SSH2: variants seen among roughly 807,000 people sequenced by gnomAD.
SSH2 encodes the protein slingshot protein phosphatase 2.
In SSH2, 37 loss-of-function variants were observed where a neutral mutation model predicts 135.2. The ratio of observed to expected loss-of-function variants is 0.27; its 90% CI spans 0.21 to 0.36. The LOEUF is 0.36. Among genes scored for constraint, SSH2 ranks in the 10% least tolerant of loss-of-function variants. The pLI is 1.00. For synonymous variants in SSH2, 628 were observed against 646.2 expected (o/e 0.97, Z 0.43); for missense variants, 1,408 against 1,765.3 (o/e 0.80, Z 3.63).
At chr17:29,740,366 G>C (rs1016297837) in intron 3 of SSH2, among the ~76,000 whole-genome samples, 3 of 152,102 alleles carry the variant, frequency 2.0e-5, no homozygotes, top group Non-Finnish European at 4.4e-5. Flanking sequence ...AAGAGAGGCA[G>C]GCAACCAACA....
intron 3 of SSH2, among the ~76,000 whole-genome samples, chr17:29,724,755 A>C (rs1036862250): frequency 6.7e-6 from 1 of 150,194 alleles, no homozygotes; most frequent in Non-Finnish European, 1.5e-5. Flanking sequence ...ATGCCCAGCT[A>C]ATTTTTGGTA....
intron 11 of SSH2, among the ~76,000 whole-genome samples, chr17:29,663,627 T>C (rs1381481845): frequency 6.6e-6 from 1 of 152,246 alleles, no homozygotes; most frequent in Non-Finnish European, 1.5e-5. Context: ...TACAGAATTA[T>C]ACCTGAAGCT....
At chr17:29,667,085 T>G (rs777586317) in intron 10 of SSH2, 45 bp downstream of exon 10, 3 of 1,604,678 alleles carry the variant, frequency 1.9e-6, no homozygotes, top group Non-Finnish European at 1.7e-6. Flanking sequence ...CCTACTGTTA[T>G]CCCACTGCTA....
At position 29,756,761 on chromosome 17, in the gene SSH2, TCTC is replaced by T. The variant is rs756483852; in HGVS notation, c.188+37130_188+37132del. Reference sequence around the variant, plus strand: ...CCTCTGCCTCCCGGGTTCAAGCAATTCTCCTACCTCAGCCTCCGGAGTAGCTGG... The same window carrying T: ...CCTCTGCCTCCCGGGTTCAAGCAATTCTACCTCAGCCTCCGGAGTAGCTGG... On this transcript the variant is annotated intron_variant, in intron 3 of 15. Transcript: ENST00000540801. Among the ~76,000 whole-genome samples, 29 of 152,078 alleles carry T rather than the reference TCTC, an allele frequency of 1.9e-4. No individual in the cohort carries two copies. The East Asian group carries it at 5.6e-3, about 29-fold the overall frequency.
intron 8 of SSH2, chr17:29,674,096 T>C (rs1236998826): frequency 1.3e-5 from 6 of 456,614 alleles, no homozygotes; most frequent in Admixed American, 9.4e-5. Context: ...CCAGAAAGGC[T>C]GCTCCAGTTC....
At chr17:29,723,932 C>A (rs2039902830) in intron 3 of SSH2, among the ~76,000 whole-genome samples, 1 of 152,112 alleles carries the variant, frequency 6.6e-6, no homozygotes, top group Admixed American at 6.6e-5. Context: ...GGGATACTCC[C>A]ATACATCTAC....
intron 9 of SSH2, among the ~76,000 whole-genome samples, chr17:29,671,483 TA>T (rs939589421): frequency 1.4e-4 from 21 of 148,594 alleles, no homozygotes; most frequent in Non-Finnish European, 1.8e-4. Flanking sequence ...TCCTGTCTCT[TA>T]AAAAAAAAAA....
intron 14 of SSH2, among the ~76,000 whole-genome samples, chr17:29,643,534 G>C (rs901347809): frequency 6.6e-6 from 1 of 151,660 alleles, no homozygotes; most frequent in African/African-American, 2.4e-5. Context: ...TTAGCCTCCT[G>C]ATTAGCTGGG....
intron 2 of SSH2, among the ~76,000 whole-genome samples, chr17:29,843,399 A>T (rs2043077107): frequency 6.6e-6 from 1 of 151,884 alleles, no homozygotes; most frequent in South Asian, 2.1e-4. Context: ...TGTTAAAAAT[A>T]AAAAAAATTA....
chr17:29,653,657 G>A (rs113004976), intron 12 of SSH2, among the ~76,000 whole-genome samples: 3,568 of 152,012 alleles, frequency 0.023, 122 homozygotes, highest in African/African-American at 0.082. Flanking sequence ...CATGATCTCA[G>A]CTCACTGCAA....
At chr17:29,715,784 A>T (rs2039602508) in intron 3 of SSH2, among the ~76,000 whole-genome samples, 1 of 152,230 alleles carries the variant, frequency 6.6e-6, no homozygotes, top group Non-Finnish European at 1.5e-5. Context: ...AGGAGATAAG[A>T]AACCATGTCT....
intron 14 of SSH2, among the ~76,000 whole-genome samples, chr17:29,642,145 G>A (rs1369844193): frequency 6.6e-6 from 1 of 152,036 alleles, no homozygotes; most frequent in Non-Finnish European, 1.5e-5. Flanking sequence ...AATCTCCATT[G>A]CTCTTGGCTG....
chr17:29,923,729 G>A (rs1361338364), intron 1 of SSH2, among the ~76,000 whole-genome samples: 3 of 152,018 alleles, frequency 2.0e-5, no homozygotes, highest in African/African-American at 4.8e-5. Context: ...AGCCGGGTGC[G>A]GTGGCTCACA....
chr17:29,842,033 C>A (rs138288085), intron 2 of SSH2, among the ~76,000 whole-genome samples: 14 of 151,504 alleles, frequency 9.2e-5, no homozygotes, highest in African/African-American at 3.4e-4. Context: ...TGTCCCCAGC[C>A]CAAACCAGTG....
chr17:29,807,975 T>G (rs1445150334), intron 2 of SSH2, among the ~76,000 whole-genome samples: 1 of 152,012 alleles, frequency 6.6e-6, no homozygotes, highest in Non-Finnish European at 1.5e-5. Flanking sequence ...AAGCTTACAC[T>G]GTGGTTGAAC....
intron 3 of SSH2, among the ~76,000 whole-genome samples, chr17:29,765,780 G>C (rs1479231143): frequency 1.3e-5 from 2 of 152,000 alleles, no homozygotes; most frequent in African/African-American, 4.8e-5. Context: ...AGCATTTTGG[G>C]AGGCCGAGGC....
intron 3 of SSH2, among the ~76,000 whole-genome samples, chr17:29,764,067 G>A (rs1464438250): frequency 2.0e-5 from 3 of 151,464 alleles, no homozygotes; most frequent in African/African-American, 7.3e-5. Context: ...CTCGTGCCTC[G>A]GCTTCCTGAG....
chr17:29,755,694 C>T (rs1184811819), intron 3 of SSH2, among the ~76,000 whole-genome samples: 2 of 149,548 alleles, frequency 1.3e-5, no homozygotes, highest in Non-Finnish European at 3.0e-5. Context: ...TGGAGTCTCG[C>T]TCTTTCGCCC....
At chr17:29,859,523 C>G (rs563050746) in intron 1 of SSH2, among the ~76,000 whole-genome samples, 4 of 152,222 alleles carry the variant, frequency 2.6e-5, no homozygotes, top group African/African-American at 9.6e-5. Flanking sequence ...ATTTAGCTCC[C>G]ACTTATAAGA....
Sources: allele counts gnomAD v4.1 joint callset (sites outside exome capture counted in the v4.1 genomes callset), GRCh38; gene constraint gnomAD v4.1.1; transcripts MANE v1.5; gene names NCBI Gene and HGNC (gene_info 2026-07-23, HGNC 2026-07-21).